Variants in PTPRT observed in about 807,000 individuals in gnomAD.
PTPRT encodes receptor-type tyrosine-protein phosphatase T.
PTPRT carries 56 observed loss-of-function variants against 176.8 expected under a neutral mutation model. That is an observed-to-expected ratio of 0.32 (90% confidence interval 0.26 to 0.40). PTPRT has a LOEUF of 0.40. Ranked by LOEUF, PTPRT falls within the 10% of genes least tolerant of loss-of-function variation. PTPRT has a pLI of 1.00. For synonymous variants in PTPRT, 783 were observed against 739.0 expected (o/e 1.06, Z -0.96); for missense variants, 1,540 against 1,908.2 (o/e 0.81, Z 3.60).
intron 1 of PTPRT, 139 bp from the exon 2 acceptor site, chr20:42,886,071 A>ATATATATATATATATATATATATATAT (rs397945991): frequency 2.5e-6 from 1 of 394,570 alleles, no homozygotes; most frequent in African/African-American, 2.2e-5. Flanking sequence ...ATATATATAT[A>ATATATATATATATATATATATATATAT]AAAGATGAGC....
intron 7 of PTPRT, among the ~76,000 whole-genome samples, chr20:42,507,187 A>G (rs965427566): frequency 6.6e-6 from 1 of 152,186 alleles, no homozygotes; most frequent in African/African-American, 2.4e-5. Context: ...GAGAGGACCT[A>G]TAGGGCTATG....
intron 1 of PTPRT, among the ~76,000 whole-genome samples, chr20:42,914,069 TTTTG>T (rs1276033868): frequency 3.9e-5 from 6 of 152,192 alleles, no homozygotes; most frequent in African/African-American, 1.4e-4. Context: ...TGTTGTTTGG[TTTTG>T]TTTTTCACAG....
intron 14 of PTPRT, among the ~76,000 whole-genome samples, chr20:42,245,847 A>G (rs916531092): frequency 5.9e-5 from 9 of 151,954 alleles, no homozygotes; most frequent in African/African-American, 9.7e-5. Context: ...TTAGGAGCAG[A>G]AAAAAAACCC....
At position 43,189,278 on chromosome 20, in the gene PTPRT, G is replaced by A. The variant is rs951288266; in HGVS notation, c.88+368C>T. Among the ~76,000 whole-genome samples, 1 of 152,178 alleles carries A rather than the reference G, an allele frequency of 6.6e-6. No individual in the cohort carries two copies. Among genetic ancestry groups the A allele is most frequent in the Non-Finnish European group, 1.5e-5 (1 of 68,034 alleles). On this transcript the variant is annotated intron_variant, in intron 1 of 30. Coordinates refer to ENST00000373187, the MANE Select transcript of PTPRT (RefSeq NM_007050.6). This position sits in a 1 kb window ranked among gnomAD's most constrained non-coding sequence, Gnocchi z 5.0. ...CGGGAGAGAACGCTCCACCCCGGGC[G>A]TCGGTGCCGCTCCTCGTCTCGCCGC...
chr20:42,474,148 C>T (rs933188033), intron 7 of PTPRT, among the ~76,000 whole-genome samples: 7 of 151,948 alleles, frequency 4.6e-5, no homozygotes, highest in Non-Finnish European at 5.9e-5. Flanking sequence ...AATAGTGTTC[C>T]GCATGCTGTG....
intron 7 of PTPRT, among the ~76,000 whole-genome samples, chr20:42,610,345 C>A (rs1405520068): frequency 6.6e-6 from 1 of 150,748 alleles, no homozygotes; most frequent in African/African-American, 2.4e-5. Context: ...ATGTTAAGGA[C>A]ATAAATATGT....
chr20:42,094,723 C>A (rs1280173459), intron 27 of PTPRT, among the ~76,000 whole-genome samples: 2 of 152,212 alleles, frequency 1.3e-5, no homozygotes, highest in Non-Finnish European at 2.9e-5. Flanking sequence ...AACCCCATCT[C>A]TACTAAACAT....
At chr20:42,653,251 G>A (rs2145976083) in intron 7 of PTPRT, among the ~76,000 whole-genome samples, 2 of 152,256 alleles carry the variant, frequency 1.3e-5, no homozygotes, top group Admixed American at 1.3e-4. Flanking sequence ...AGAAGGACAT[G>A]TTTGCTTCCC....
intron 8 of PTPRT, among the ~76,000 whole-genome samples, chr20:42,467,027 C>T (rs1232058579): frequency 4.6e-5 from 7 of 152,018 alleles, no homozygotes; most frequent in African/African-American, 7.2e-5. Context: ...TTTCAATACA[C>T]GGAGTCAAAA....
At chr20:42,317,752 C>T (rs1399698634) in intron 11 of PTPRT, among the ~76,000 whole-genome samples, 2 of 152,106 alleles carry the variant, frequency 1.3e-5, no homozygotes, top group Non-Finnish European at 2.9e-5. Context: ...GGCAAGTTTT[C>T]CCCTGAATTT....
chr20:42,800,007 G>T (rs966167721), intron 2 of PTPRT, among the ~76,000 whole-genome samples: 3 of 152,102 alleles, frequency 2.0e-5, no homozygotes, highest in Non-Finnish European at 4.4e-5. Flanking sequence ...AGTACTTTTT[G>T]TGTTCTCATG....
intron 19 of PTPRT, 21 bp downstream of exon 19, chr20:42,128,733 C>G: frequency 6.4e-7 from 1 of 1,568,692 alleles, no homozygotes; most frequent in Non-Finnish European, 8.7e-7. Context: ...CCCCAGCCCC[C>G]AGCCCCATTA....
At chr20:43,149,949 G>C (rs1223199143) in intron 1 of PTPRT, among the ~76,000 whole-genome samples, 1 of 152,168 alleles carries the variant, frequency 6.6e-6, no homozygotes, top group Non-Finnish European at 1.5e-5. Context: ...GAGATGTGAA[G>C]GGAAATGCAG....
intron 2 of PTPRT, among the ~76,000 whole-genome samples, chr20:42,813,179 C>T (rs2077725832): frequency 6.6e-6 from 1 of 152,006 alleles, no homozygotes; most frequent in South Asian, 2.1e-4. Context: ...AATTTGTTTC[C>T]TTTTGTCCCT....
At chr20:42,825,922 C>G (rs545738360) in intron 2 of PTPRT, among the ~76,000 whole-genome samples, 1 of 152,078 alleles carries the variant, frequency 6.6e-6, no homozygotes, top group Non-Finnish European at 1.5e-5. Context: ...CCAGATTATT[C>G]TAACGGCAGG....
At chr20:42,102,988 T>C (rs4812579) in intron 25 of PTPRT, among the ~76,000 whole-genome samples, 17,745 of 152,102 alleles carry the variant, frequency 0.12, 1,311 homozygotes, top group South Asian at 0.25. Context: ...AGATCAATAA[T>C]GGCTATTTGT....
At chr20:42,203,277 T>A (rs1991523771) in intron 15 of PTPRT, among the ~76,000 whole-genome samples, 1 of 152,158 alleles carries the variant, frequency 6.6e-6, no homozygotes, top group African/African-American at 2.4e-5. Context: ...CACAGAAAAA[T>A]TGACATTCAT....
intron 23 of PTPRT, 43 bp from the exon 24 acceptor site, chr20:42,106,964 G>T (rs373266675): frequency 2.3e-5 from 37 of 1,600,688 alleles, no homozygotes; most frequent in African/African-American, 6.7e-5. Flanking sequence ...TTCATGGGGG[G>T]AACCTGCCCT....
chr20:42,573,301 C>T (rs780806193), intron 7 of PTPRT, among the ~76,000 whole-genome samples: 3 of 152,156 alleles, frequency 2.0e-5, no homozygotes, highest in Non-Finnish European at 4.4e-5. Context: ...CCACTAGGGG[C>T]CTTCCACAGT....
Sources: gnomAD v4.1 joint callset for allele counts (sites outside exome capture counted in the v4.1 genomes callset) on GRCh38, gnomAD v4.1.1 for gene constraint, Gnocchi (gnomAD v3.1) non-coding constraint, MANE v1.5 for transcripts, NCBI Gene and HGNC (gene_info 2026-07-23, HGNC 2026-07-21) for gene names.